The following SNX24 variants were observed in gnomAD, a reference collection of about 807,000 sequenced individuals.
SNX24 encodes the protein sorting nexin 24.
A neutral mutation model predicts 28.7 loss-of-function variants in SNX24; 22 were observed. The observed-to-expected ratio is 0.77, with a 90% confidence interval of 0.55 to 1.10. SNX24 has a LOEUF of 1.10. Ranked by LOEUF, SNX24 falls within the 50% of genes least tolerant of loss-of-function variation. The pLI is 0.00. For missense variants in SNX24, 221 were observed against 201.1 expected, an observed-to-expected ratio of 1.10 and a Z score of -0.60; for synonymous variants, 69 against 71.5, an observed-to-expected ratio of 0.96 and a Z score of 0.18.
At chr5:122,931,955 T>C (rs558786544) in intron 1 of SNX24, among the ~76,000 whole-genome samples, 1 of 152,154 alleles carries the variant, frequency 6.6e-6, no homozygotes, top group Non-Finnish European at 1.5e-5. Flanking sequence ...GTTTATTTTA[T>C]TTATTAGATA....
intron 3 of SNX24, among the ~76,000 whole-genome samples, chr5:122,978,566 T>A (rs1761260808): frequency 6.6e-6 from 1 of 152,188 alleles, no homozygotes; most frequent in African/African-American, 2.4e-5. Flanking sequence ...GTGTTTTCAG[T>A]TTTTCTAGGA....
rs138982239 is a variant in SNX24, at chr5:122,866,305, A to C, written c.60+20612A>C. On this transcript the variant is annotated intron_variant, in intron 1 of 6. Coordinates refer to ENST00000261369, the MANE Select transcript of SNX24 (RefSeq NM_014035.4). ...GCTGTTATTACAGGTGAGTGCCACC[A>C]TGCTGGCTAATTTTTGTATTTTTAG... 2.6e-3 allele frequency among the ~76,000 whole-genome samples: 403 copies of C among 152,208 alleles called. 1 individual carries two copies. Among genetic ancestry groups the C allele is most frequent in the African/African-American group, 9.4e-3 (389 of 41,552 alleles).
At chr5:122,936,986 A>C (rs1409523436) in intron 2 of SNX24, among the ~76,000 whole-genome samples, 169 bp downstream of exon 2, 1 of 152,186 alleles carries the variant, frequency 6.6e-6, no homozygotes, top group Non-Finnish European at 1.5e-5. Context: ...CAGTTCCTTA[A>C]AGGTATGCTT....
chr5:122,859,629 G>T (rs1488738808), intron 1 of SNX24, among the ~76,000 whole-genome samples: 1 of 152,072 alleles, frequency 6.6e-6, no homozygotes, highest in Non-Finnish European at 1.5e-5. Flanking sequence ...AATTGTCGAT[G>T]AAAAGAGTTG....
chr5:122,957,062 T>A (rs2150134967), intron 3 of SNX24, among the ~76,000 whole-genome samples: 1 of 152,326 alleles, frequency 6.6e-6, no homozygotes, highest in South Asian at 2.1e-4. Context: ...CCTTCATGCC[T>A]TTGGTGTCAT....
At chr5:122,943,666 T>A (rs1759559813) in intron 2 of SNX24, among the ~76,000 whole-genome samples, 1 of 152,132 alleles carries the variant, frequency 6.6e-6, no homozygotes, top group Non-Finnish European at 1.5e-5. Context: ...GTCCTAGCCA[T>A]GTGGCTCTCT....
chr5:122,926,637 T>C (rs893218453), intron 1 of SNX24, among the ~76,000 whole-genome samples: 1 of 151,066 alleles, frequency 6.6e-6, no homozygotes, highest in African/African-American at 2.4e-5. Flanking sequence ...AATTGCCTGT[T>C]TAAGAACTGT....
chr5:122,947,067 G>T (rs1262463856), intron 3 of SNX24, among the ~76,000 whole-genome samples: 1 of 152,172 alleles, frequency 6.6e-6, no homozygotes, highest in African/African-American at 2.4e-5. Flanking sequence ...CTGGGGGCAG[G>T]GGAATCTTGG....
chr5:122,989,449 T>G (rs1328412083), intron 3 of SNX24, among the ~76,000 whole-genome samples: 1 of 151,142 alleles, frequency 6.6e-6, no homozygotes, highest in Non-Finnish European at 1.5e-5. Flanking sequence ...AAGGAAGCTT[T>G]TTGACTTTTC....
At chr5:123,025,872 G>GTC (rs1201901019) in intron 5 of SNX24, 5 of 1,614,114 alleles carry the variant, frequency 3.1e-6, no homozygotes, top group Non-Finnish European at 4.2e-6. Context: ...AGAGCCATTG[G>GTC]TGTCAGGCCC....
At chr5:122,932,812 T>C (rs246313) in intron 1 of SNX24, among the ~76,000 whole-genome samples, 114,479 of 148,706 alleles carry the variant, frequency 0.77, 44,877 homozygotes, top group East Asian at 0.99. Context: ...TGAGCCAAGA[T>C]TGCACCACTG....
At chr5:122,989,965 G>C (rs548518451) in intron 3 of SNX24, among the ~76,000 whole-genome samples, 1 of 152,256 alleles carries the variant, frequency 6.6e-6, no homozygotes, top group East Asian at 1.9e-4. Context: ...ATTGTGTTCT[G>C]TCCCAGTAGG....
chr5:122,904,715 C>CTCTTAAAGTTA (rs1757577657), intron 1 of SNX24, among the ~76,000 whole-genome samples: 1 of 152,114 alleles, frequency 6.6e-6, no homozygotes, highest in Non-Finnish European at 1.5e-5. Context: ...ATTCAGTATG[C>CTCTTAAAGTTA]TCTTAAAGTT....
rs193286270 is a variant in SNX24, at chr5:122,857,253, C to G, written c.60+11560C>G. On this transcript the variant is annotated intron_variant, in intron 1 of 6. Coordinates refer to ENST00000261369, the MANE Select transcript of SNX24 (RefSeq NM_014035.4). ...TCTCCAACTCCTGACCTCAGGTGAT[C>G]TGCCTGCCTCAGCCTCCCAAAGTGC... Among the ~76,000 whole-genome samples the G allele has an allele frequency of 2.2e-3, 332 of 152,184 alleles. 3 individuals are homozygous for G. The Middle Eastern group carries it at 0.027, about 12-fold the overall frequency.
chr5:122,927,016 G>A (rs1196755159), intron 1 of SNX24, among the ~76,000 whole-genome samples: 2 of 152,208 alleles, frequency 1.3e-5, no homozygotes, highest in African/African-American at 2.4e-5. Flanking sequence ...AGGAATAGTT[G>A]TAGCAATGGT....
At chr5:122,911,169 A>T (rs1182737210) in intron 1 of SNX24, among the ~76,000 whole-genome samples, 13 of 149,358 alleles carry the variant, frequency 8.7e-5, no homozygotes, top group South Asian at 4.3e-4. Context: ...TTCTAACTGG[A>T]GTGAGATGGT....
intron 3 of SNX24, among the ~76,000 whole-genome samples, chr5:122,967,249 T>C (rs1212567833): frequency 2.0e-5 from 3 of 152,188 alleles, no homozygotes; most frequent in African/African-American, 4.8e-5. Context: ...CCATACTAGC[T>C]CAGCAGCAGC....
intron 1 of SNX24, among the ~76,000 whole-genome samples, chr5:122,917,385 A>G (rs189710549): frequency 1.5e-3 from 223 of 152,298 alleles, no homozygotes; most frequent in African/African-American, 5.2e-3. Context: ...TCATTTGACA[A>G]TGAACTTCTT....
chr5:122,991,925 C>T (rs1761867913), intron 3 of SNX24, among the ~76,000 whole-genome samples: 1 of 151,650 alleles, frequency 6.6e-6, no homozygotes, highest in Non-Finnish European at 1.5e-5. Context: ...TCAATGGCTC[C>T]CTTAAATATA....
Sources: allele counts gnomAD v4.1 joint callset (sites outside exome capture counted in the v4.1 genomes callset), GRCh38; gene constraint gnomAD v4.1.1; transcripts MANE v1.5; gene names NCBI Gene and HGNC (gene_info 2026-07-23, HGNC 2026-07-21).